PLPP4: variants seen among roughly 807,000 people sequenced by gnomAD.
PLPP4 encodes phospholipid phosphatase 4, also known as diacylglycerol pyrophosphate like 2.
Under a neutral mutation model 32.2 loss-of-function variants are expected in PLPP4, and 20 were observed. The ratio of observed to expected loss-of-function variants is 0.62; its 90% confidence interval spans 0.44 to 0.90. The LOEUF is 0.90. Ranked by LOEUF, PLPP4 falls within the 40% of genes least tolerant of loss-of-function variation. The pLI is 0.00. For synonymous variants in PLPP4, 127 were observed against 133.0 expected (o/e 0.95, Z 0.31); for missense variants, 257 against 353.1 (o/e 0.73, Z 2.18).
At chr10:120,565,788 C>T (rs1373212828) in intron 5 of PLPP4, among the ~76,000 whole-genome samples, 1 of 152,084 alleles carries the variant, frequency 6.6e-6, no homozygotes. Flanking sequence ...ACTTCCTCCT[C>T]TAATTTAGAA....
chr10:120,511,863 G>T (rs1234328669), intron 2 of PLPP4, among the ~76,000 whole-genome samples: 2 of 152,130 alleles, frequency 1.3e-5, no homozygotes, highest in African/African-American at 4.8e-5. Flanking sequence ...GGAGGCCGAG[G>T]TGGCGGATCA....
chr10:120,552,810 A>G (rs1847973174), intron 5 of PLPP4, among the ~76,000 whole-genome samples: 1 of 152,234 alleles, frequency 6.6e-6, no homozygotes, highest in South Asian at 2.1e-4. Flanking sequence ...AGAGACAGGC[A>G]TATAGGCTAT....
intron 5 of PLPP4, among the ~76,000 whole-genome samples, chr10:120,547,720 G>C (rs776109084): frequency 1.4e-4 from 21 of 152,092 alleles, no homozygotes; most frequent in Admixed American, 2.6e-4. Context: ...TCCAGTGTTG[G>C]TTATAGGACC....
rs537422810 is a variant in PLPP4, at chr10:120,509,681, C to CT, written c.166-4229dup. Reference sequence around the variant, plus strand: ...TGCATTTGTGTGTTCACTCATCTCTCTGAGTTTTAGTTTGGTTATTTGTAC... The same window carrying CT: ...TGCATTTGTGTGTTCACTCATCTCTCTTGAGTTTTAGTTTGGTTATTTGTAC... On this transcript the variant is annotated intron_variant, in intron 2 of 6. Transcript: ENST00000398250. Among the ~76,000 whole-genome samples, 6 of 152,106 alleles carry CT rather than the reference C, an allele frequency of 3.9e-5. No homozygotes were observed. In the East Asian group the frequency reaches 9.7e-4, roughly 25 times the overall value.
chr10:120,572,273 C>T (rs966930335), intron 5 of PLPP4, among the ~76,000 whole-genome samples: 2 of 152,216 alleles, frequency 1.3e-5, no homozygotes, highest in South Asian at 2.1e-4. Context: ...AGAAATCAGG[C>T]GGATGCTGAG....
intron 1 of PLPP4, among the ~76,000 whole-genome samples, chr10:120,467,165 G>A (rs11199357): frequency 0.65 from 61,869 of 95,812 alleles, 22,748 homozygotes; most frequent in East Asian, 0.9. Flanking sequence ...TGCAAGCTCC[G>A]CCTCCCAGGT....
chr10:120,480,118 A>T (rs1388154296), intron 1 of PLPP4, among the ~76,000 whole-genome samples: 1 of 152,162 alleles, frequency 6.6e-6, no homozygotes, highest in African/African-American at 2.4e-5. Flanking sequence ...CAGGTGCTGG[A>T]GGTTTCTACC....
At chr10:120,476,797 G>T (rs998123385) in intron 1 of PLPP4, among the ~76,000 whole-genome samples, 2 of 152,154 alleles carry the variant, frequency 1.3e-5, no homozygotes, top group Non-Finnish European at 2.9e-5. Flanking sequence ...GGTTCTCAGG[G>T]CACAAATGCT....
Position 120,590,357 on chromosome 10 carries a change from G to A in PLPP4, c.*855G>A, listed in dbSNP as rs1432513822. On this transcript the variant is annotated 3_prime_UTR_variant, in exon 7 of 7. Coordinates refer to ENST00000398250, the MANE Select transcript of PLPP4 (RefSeq NM_001030059.3). ...CCGCATGCCTGGGGCTCATCTCAAGGGAGTGGCTGAGTGGCCATTGGGGAT... is the reference window on the plus strand; with the variant it reads ...CCGCATGCCTGGGGCTCATCTCAAGAGAGTGGCTGAGTGGCCATTGGGGAT... 6.6e-6 allele frequency among the ~76,000 whole-genome samples: 1 copy of A among 151,862 alleles called. No individual in the cohort carries two copies. Among genetic ancestry groups the A allele is most frequent in the Non-Finnish European group, 1.5e-5 (1 of 67,824 alleles).
chr10:120,556,385 G>A (rs181025880), intron 5 of PLPP4, among the ~76,000 whole-genome samples: 26 of 152,130 alleles, frequency 1.7e-4, no homozygotes, highest in Non-Finnish European at 2.6e-4. Flanking sequence ...AAATCACAGC[G>A]GGAGTGGAAC....
chr10:120,547,132 G>A (rs552764227), intron 5 of PLPP4, among the ~76,000 whole-genome samples: 82 of 151,874 alleles, frequency 5.4e-4, no homozygotes, highest in Non-Finnish European at 1.0e-3. Flanking sequence ...CATAGATAAT[G>A]GAAATGAAAG....
chr10:120,546,646 A>G lies in PLPP4; in HGVS notation c.445+25551A>G, dbSNP rs146784568. Among the ~76,000 whole-genome samples the G allele has an allele frequency of 6.0e-4, 92 of 152,088 alleles. 1 individual carries two copies. The highest frequency in any genetic ancestry group is 2.0e-3 in the African/African-American group (85 of 41,472). On this transcript the variant is annotated intron_variant, in intron 5 of 6. Transcript: ENST00000398250. ...TCTGTGGCTCCTGCTCCTTCCCCCAACGCAGTGCCCTCCTGGCTCTTCCCT... is the reference window on the plus strand; with the variant it reads ...TCTGTGGCTCCTGCTCCTTCCCCCAGCGCAGTGCCCTCCTGGCTCTTCCCT...
chr10:120,581,574 TCC>T (rs2083533723), intron 6 of PLPP4, among the ~76,000 whole-genome samples: 1 of 152,238 alleles, frequency 6.6e-6, no homozygotes, highest in Non-Finnish European at 1.5e-5. Flanking sequence ...AAGCTACTTG[TCC>T]TCCTCGTTCA....
In PLPP4 at chr10:120,589,322, C is replaced by A; in HGVS notation, c.636C>A (p.Val212=). The part of the protein sequence containing the change: ...HHWQDSFVGG[V]IGLIFAYICY... ...GCCTAGATTCCTTTGTGGGTGGAGT[C>A]ATCGGCCTCATTTTTGCATACATTT... Residue 212 remains valine (V), a synonymous_variant, in exon 7 of 7, where the codon GTC becomes GTA. Transcript: ENST00000398250. 1 of 1,614,196 alleles carries A rather than the reference C, an allele frequency of 6.2e-7. No individual in the cohort carries two copies. The highest frequency in any genetic ancestry group is 8.5e-7 in the Non-Finnish European group (1 of 1,180,040).
intron 1 of PLPP4, among the ~76,000 whole-genome samples, chr10:120,484,467 A>G (rs545444281): frequency 4.6e-5 from 7 of 152,328 alleles, no homozygotes; most frequent in African/African-American, 1.4e-4. Flanking sequence ...ATCCCATGGC[A>G]GAAGGTGAGA....
In PLPP4 at chr10:120,533,488, G is replaced by C. The variant is rs558045345; in HGVS notation, c.445+12393G>C. Among the ~76,000 whole-genome samples, 3 of 152,184 alleles carry C rather than the reference G, an allele frequency of 2.0e-5. No individual in the cohort carries two copies. In the South Asian group the frequency reaches 6.2e-4, roughly 32 times the overall value. On this transcript the variant is annotated intron_variant, in intron 5 of 6. Coordinates refer to ENST00000398250, the MANE Select transcript of PLPP4 (RefSeq NM_001030059.3). ...GGGTTGTATTTTTACTCTCATGATA[G>C]TATTGTTTACAGCAAAAAGCTTTAC... is the stretch of plus-strand genomic sequence containing the variant.
intron 5 of PLPP4, among the ~76,000 whole-genome samples, chr10:120,542,513 A>G (rs903168907): frequency 6.6e-6 from 1 of 152,202 alleles, no homozygotes; most frequent in African/African-American, 2.4e-5. Flanking sequence ...GGTCTCCTCC[A>G]AAATGTTTAT....
At chr10:120,517,075 G>A (rs746375011) in intron 3 of PLPP4, among the ~76,000 whole-genome samples, 6 of 152,102 alleles carry the variant, frequency 3.9e-5, no homozygotes, top group Non-Finnish European at 7.4e-5. Context: ...TCTGTGCTGC[G>A]ATAAGCCCAC....
At chr10:120,496,480 G>A (rs562485822) in intron 1 of PLPP4, among the ~76,000 whole-genome samples, 123 of 152,220 alleles carry the variant, frequency 8.1e-4, no homozygotes, top group Middle Eastern at 3.4e-3. Context: ...TGGGTGGGAG[G>A]CTATTTCATG....
Sources: gnomAD v4.1 joint callset for allele counts (sites outside exome capture counted in the v4.1 genomes callset) on GRCh38, gnomAD v4.1.1 for gene constraint, MANE v1.5 for transcripts, NCBI Gene and HGNC (gene_info 2026-07-23, HGNC 2026-07-21) for gene names.